Variants in CDKAL1 observed in about 807,000 individuals in gnomAD.
CDKAL1 encodes threonylcarbamoyladenosine tRNA methylthiotransferase.
CDKAL1 carries 32 observed loss-of-function variants against 68.2 expected under a neutral mutation model. That is an observed-to-expected ratio of 0.47 (90% CI 0.35 to 0.63). The LOEUF (loss-of-function observed/expected upper bound fraction) is 0.63. CDKAL1 is among the 30% of genes least tolerant of loss of function. The pLI is 0.00. For missense variants in CDKAL1, 606 were observed against 696.7 expected (o/e 0.87, Z 1.47); for synonymous variants, 234 against 244.3 (o/e 0.96, Z 0.39).
chr6:21,174,346 G>A (rs2151078787), intron 13 of CDKAL1, among the ~76,000 whole-genome samples: 1 of 152,228 alleles, frequency 6.6e-6, no homozygotes, highest in Non-Finnish European at 1.5e-5. Flanking sequence ...TATAATCTTA[G>A]TCAAAAGTTC....
intron 13 of CDKAL1, among the ~76,000 whole-genome samples, chr6:21,145,711 G>A (rs1286683567): frequency 6.6e-6 from 1 of 152,162 alleles, no homozygotes; most frequent in Non-Finnish European, 1.5e-5. Context: ...TGCCAACCTG[G>A]ATAACGTAGC....
At chr6:20,742,136 G>T (rs970053321) in intron 6 of CDKAL1, among the ~76,000 whole-genome samples, 3 of 151,840 alleles carry the variant, frequency 2.0e-5, no homozygotes, top group Non-Finnish European at 4.4e-5. Context: ...CATGTCCTTT[G>T]CCCACTTTTT....
intron 8 of CDKAL1, among the ~76,000 whole-genome samples, chr6:20,808,848 A>G (rs918840126): frequency 6.6e-6 from 1 of 152,156 alleles, no homozygotes; most frequent in African/African-American, 2.4e-5. Context: ...CTGATTTTTC[A>G]CTGGGCTCCT....
chr6:21,105,969 T>C (rs1163002059), intron 12 of CDKAL1, among the ~76,000 whole-genome samples: 7 of 152,226 alleles, frequency 4.6e-5, no homozygotes, highest in African/African-American at 1.7e-4. Flanking sequence ...GAGAAATTCT[T>C]AAGAATTACC....
chr6:20,616,839 C>CACACACACACA (rs1766928603), intron 4 of CDKAL1, among the ~76,000 whole-genome samples: 5 of 121,312 alleles, frequency 4.1e-5, no homozygotes, highest in South Asian at 5.8e-4. Context: ...CCCGACTCTA[C>CACACACACACA]CACACACACA....
chr6:21,129,346 G>A (rs1313270073), intron 13 of CDKAL1, among the ~76,000 whole-genome samples: 1 of 151,838 alleles, frequency 6.6e-6, no homozygotes, highest in African/African-American at 2.4e-5. Context: ...AAATCTAAAG[G>A]AGAAAAATGA....
chr6:20,949,853 C>T (rs891324506), intron 9 of CDKAL1, among the ~76,000 whole-genome samples: 1 of 151,884 alleles, frequency 6.6e-6, no homozygotes, highest in Non-Finnish European at 1.5e-5. Flanking sequence ...GGAGTGGTGC[C>T]ATCTCAGTTT....
intron 11 of CDKAL1, among the ~76,000 whole-genome samples, chr6:21,039,723 C>T (rs1769806938): frequency 1.3e-5 from 2 of 152,242 alleles, no homozygotes; most frequent in South Asian, 4.1e-4. Flanking sequence ...CAGTATCATG[C>T]CTGTAAGAAT....
At chr6:20,669,902 A>C (rs1456860797) in intron 5 of CDKAL1, among the ~76,000 whole-genome samples, 2 of 152,102 alleles carry the variant, frequency 1.3e-5, no homozygotes, top group Admixed American at 6.6e-5. Context: ...ACTTAAATCT[A>C]CTAAGACTTA....
intron 8 of CDKAL1, among the ~76,000 whole-genome samples, chr6:20,825,937 G>A (rs9368242): frequency 0.41 from 62,006 of 151,704 alleles, 12,906 homozygotes; most frequent in Non-Finnish European, 0.44. Context: ...CATTTTGGGG[G>A]GATTACTTTA....
chr6:20,870,264 A>G (rs368670321), intron 9 of CDKAL1, among the ~76,000 whole-genome samples: 1 of 152,202 alleles, frequency 6.6e-6, no homozygotes, highest in East Asian at 1.9e-4. Context: ...CTCATTTCCA[A>G]CCTATTGTCC....
chr6:20,985,588 C>T (rs968466743), intron 10 of CDKAL1, among the ~76,000 whole-genome samples: 1 of 152,198 alleles, frequency 6.6e-6, no homozygotes, highest in Non-Finnish European at 1.5e-5. Context: ...GGCCACTGCA[C>T]CCCACCCTGT....
At chr6:20,753,143 A>G (rs987796373) in intron 6 of CDKAL1, among the ~76,000 whole-genome samples, 44 of 149,890 alleles carry the variant, frequency 2.9e-4, no homozygotes, top group African/African-American at 9.8e-4. Flanking sequence ...TTCAAAAAAA[A>G]CGCAGGTACT....
chr6:20,826,013 C>G (rs1268535865), intron 8 of CDKAL1, among the ~76,000 whole-genome samples: 2 of 152,022 alleles, frequency 1.3e-5, no homozygotes, highest in African/African-American at 4.8e-5. Flanking sequence ...GAATTTGGTC[C>G]CATCAGGGTT....
At chr6:20,783,009 C>T (rs1466941072) in intron 8 of CDKAL1, among the ~76,000 whole-genome samples, 1 of 152,050 alleles carries the variant, frequency 6.6e-6, no homozygotes, top group African/African-American at 2.4e-5. Context: ...TGGCTCACTG[C>T]AACCTCTGCC....
intron 6 of CDKAL1, among the ~76,000 whole-genome samples, chr6:20,751,652 T>C (rs1167096641): frequency 4.6e-5 from 7 of 152,228 alleles, no homozygotes; most frequent in African/African-American, 1.7e-4. Context: ...AATAGCTGAA[T>C]AAAATATTTT....
chr6:20,998,279 T>A (rs1189261808), intron 10 of CDKAL1, among the ~76,000 whole-genome samples: 1 of 152,194 alleles, frequency 6.6e-6, no homozygotes, highest in Admixed American at 6.5e-5. Flanking sequence ...TGAGTGTGGC[T>A]CTGCCTCGCC....
chr6:20,659,902 C>A (rs563404413), intron 5 of CDKAL1, among the ~76,000 whole-genome samples: 3 of 152,142 alleles, frequency 2.0e-5, no homozygotes, highest in African/African-American at 7.2e-5. Flanking sequence ...TCTCTCCTAC[C>A]TCTTTTCTTG....
intron 8 of CDKAL1, among the ~76,000 whole-genome samples, chr6:20,791,945 C>T (rs1325641763): frequency 1.3e-5 from 2 of 150,570 alleles, no homozygotes; most frequent in Admixed American, 1.3e-4. Flanking sequence ...TTTCCTGTTG[C>T]TTTAAGAAAA....
Sources: allele counts gnomAD v4.1 joint callset (sites outside exome capture counted in the v4.1 genomes callset), GRCh38; gene constraint gnomAD v4.1.1; transcripts MANE v1.5; gene names NCBI Gene and HGNC (gene_info 2026-07-23, HGNC 2026-07-21).